GCFC2: variants seen among roughly 807,000 people sequenced by gnomAD.
GCFC2 encodes the protein intron Large complex component GCFC2.
In GCFC2, 102 loss-of-function variants were observed where a neutral mutation model predicts 99.4. The ratio of observed to expected loss-of-function variants is 1.03; its 90% CI spans 0.87 to 1.21. GCFC2 has a LOEUF of 1.21. Ranked by LOEUF, GCFC2 falls within the 50% of genes most tolerant of loss-of-function variation. GCFC2 has a pLI of 0.00. For synonymous variants in GCFC2, 338 were observed against 316.8 expected (o/e 1.07, Z -0.71); for missense variants, 973 against 920.9 (o/e 1.06, Z -0.73).
Position 75,709,215 on chromosome 2 carries a change from T to G in GCFC2, c.265+1376A>C, listed in dbSNP as rs561964783. Among the ~76,000 whole-genome samples, 1,040 of 152,302 alleles carry G rather than the reference T, an allele frequency of 6.8e-3. 8 individuals carry two copies. Among genetic ancestry groups the G allele is most frequent in the African/African-American group, 0.024 (993 of 41,574 alleles). ...CTACTGAAACAAAAGCTCTTTGGAA[T>G]CCTTAATCATTTCTAAGAGTCTAAA... On this transcript the variant is annotated intron_variant, in intron 1 of 16. Coordinates refer to ENST00000321027, the MANE Select transcript of GCFC2 (RefSeq NM_003203.5).
chr2:75,712,508 C>G (rs1055319739), upstream of GCFC2, among the ~76,000 whole-genome samples: 1 of 152,172 alleles, frequency 6.6e-6, no homozygotes, highest in African/African-American at 2.4e-5. Context: ...TACCAATCAG[C>G]AGGATGTGGG....
chr2:75,668,228 G>A (rs1453889547), intron 15 of GCFC2, among the ~76,000 whole-genome samples: 1 of 152,140 alleles, frequency 6.6e-6, no homozygotes, highest in African/African-American at 2.4e-5. Flanking sequence ...TTTAGAGAAA[G>A]CTTTACAGAC....
chr2:75,711,087 G>C, upstream of GCFC2: 2 of 1,299,604 alleles, frequency 1.5e-6, no homozygotes, highest in Non-Finnish European at 1.9e-6. Context: ...CCCTTTGCCA[G>C]GTTAGGTTGC....
At chr2:75,682,136 T>G (rs182635261) in intron 11 of GCFC2, among the ~76,000 whole-genome samples, 3 of 151,868 alleles carry the variant, frequency 2.0e-5, no homozygotes, top group Non-Finnish European at 4.4e-5. Flanking sequence ...CTGACCCCTG[T>G]GTATCCTGTC....
rs139322847 is a variant in GCFC2, at chr2:75,681,370, C to T, written c.1691-1056G>A. On this transcript the variant is annotated intron_variant, in intron 11 of 16. Transcript: ENST00000321027. ...TTATCTAAGGGATGCCACGAGAAAC[C>T]GTGCCAGGAGGAACAGTGCACTCCA... Among the ~76,000 whole-genome samples the T allele has an allele frequency of 3.8e-3, 570 of 149,506 alleles. 16 individuals are homozygous for T. Among genetic ancestry groups the T allele is most frequent in the African/African-American group, 0.014 (545 of 38,948 alleles).
rs139202432 is a variant in GCFC2, at chr2:75,680,272, G to A, written c.1733C>T (p.Thr578Ile). 1.9e-6 allele frequency: 3 copies of A among 1,606,870 alleles called. No individual in the cohort carries two copies. Among genetic ancestry groups the A allele is most frequent in the African/African-American group, 2.7e-5 (2 of 74,764 alleles). Residue 578 changes from threonine (T) to isoleucine (I), a missense_variant, in exon 12 of 17, where the codon ACA becomes ATA. Physicochemically the swap from Thr to Ile is moderately conservative, Grantham distance 89. Coordinates refer to ENST00000321027, the MANE Select transcript of GCFC2 (RefSeq NM_003203.5). ...TCTGCAATGTGTTATTAAACTTGTT[G>A]TCTGTGAGGTTGACAAAGGATCCCA... ...FLWDPLSTSQTTSLITHCRVI... is the reference protein window; with the variant it reads ...FLWDPLSTSQITSLITHCRVI...
intron 11 of GCFC2, among the ~76,000 whole-genome samples, chr2:75,684,541 C>T (rs930953193): frequency 1.1e-4 from 16 of 152,104 alleles, no homozygotes; most frequent in Admixed American, 2.6e-4. Flanking sequence ...GATCTAAAAT[C>T]GACATCCTAA....
chr2:75,667,290 T>C (rs769230801), intron 15 of GCFC2, among the ~76,000 whole-genome samples: 4 of 151,578 alleles, frequency 2.6e-5, no homozygotes, highest in Non-Finnish European at 4.4e-5. Context: ...ACCTGGCCTG[T>C]CACAATATCA....
intron 3 of GCFC2, chr2:75,701,940 C>A: frequency 8.1e-7 from 1 of 1,227,220 alleles, no homozygotes; most frequent in Non-Finnish European, 1.0e-6. Context: ...TAAGATACTG[C>A]ACATTTTTTT....
rs762380636 is a variant in GCFC2 at position 75,680,277 on chromosome 2, T to C, written c.1728A>G (p.Ser576=). ...AATGTGTTATTAAACTTGTTGTCTG[T>C]GAGGTTGACAAAGGATCCCAAAGGA... ...VEFLWDPLST[S]QTTSLITHCR... Residue 576 remains serine (S), a synonymous_variant, in exon 12 of 17, where the codon TCA becomes TCG. Coordinates refer to ENST00000321027, the MANE Select transcript of GCFC2 (RefSeq NM_003203.5). 4 of 1,608,414 alleles carry C rather than the reference T, an allele frequency of 2.5e-6. No individual in the cohort carries two copies. In the Admixed American group the frequency reaches 6.7e-5, roughly 27 times the overall value.
rs1045881536 is a variant in GCFC2 at position 75,701,029 on chromosome 2, A to G, written c.717+161T>C. ...GAATTACCGCTCCCCACAACCCCCC[A>G]GGGCCTTTGGAAGAAGCAAGGTGCT... On this transcript the variant is annotated intron_variant, in intron 4 of 16. Transcript: ENST00000321027. 7.2e-5 allele frequency among the ~76,000 whole-genome samples: 11 copies of G among 152,176 alleles called. 1 individual carries two copies. The highest frequency in any genetic ancestry group is 7.2e-4 in the Admixed American group (11 of 15,284).
At chr2:75,671,321 T>C (rs1679081604) in intron 14 of GCFC2, among the ~76,000 whole-genome samples, 1 of 152,206 alleles carries the variant, frequency 6.6e-6, no homozygotes, top group South Asian at 2.1e-4. Context: ...AAATATTACC[T>C]ACAGGTAGTG....
At position 75,663,099 on chromosome 2, in the gene GCFC2, T is replaced by C. The variant is rs1353482954; in HGVS notation, c.*1567A>G. On this transcript the variant is annotated 3_prime_UTR_variant, in exon 17 of 17. Coordinates refer to ENST00000321027, the MANE Select transcript of GCFC2 (RefSeq NM_003203.5). Reference sequence around the variant, plus strand: ...GATGAGATTCTATCCTTGTATAATTTTGTTACTAATATAAACATCAAAAAA... The same window carrying C: ...GATGAGATTCTATCCTTGTATAATTCTGTTACTAATATAAACATCAAAAAA... 1 of 152,166 alleles carries C rather than the reference T, an allele frequency of 6.6e-6. No homozygotes were observed. Among genetic ancestry groups the C allele is most frequent in the African/African-American group, 2.4e-5 (1 of 41,450 alleles). The allele number at this position is 152,166 out of a possible 1,614,324, so 9.4% of individuals were successfully genotyped here. A position where few individuals can be genotyped will look rare whatever the true frequency, so the allele number is the denominator to read the frequency against.
At position 75,690,671 on chromosome 2, in the gene GCFC2, G is replaced by T; in HGVS notation, c.1193C>A (p.Thr398Asn). 1.3e-6 allele frequency: 2 copies of T among 1,564,866 alleles called. No homozygotes were observed. Among genetic ancestry groups the T allele is most frequent in the Non-Finnish European group, 8.8e-7 (1 of 1,139,392 alleles). The change falls in exon 8 of 17, where the codon ACT (threonine) becomes AAT (asparagine). Residue 398 changes from threonine to asparagine, a missense_variant. Physicochemically the swap from Thr to Asn is moderately conservative, Grantham distance 65. Coordinates refer to ENST00000321027, the MANE Select transcript of GCFC2 (RefSeq NM_003203.5). ...TSGNFSVDEK[T>N]QWILEEIESR... ...TTCAATCTCTTCTAAAATCCACTGA[G>T]TTTTTTCATCTACTGAGAAGTTTCC...
chr2:75,673,955 T>C (rs549463195), intron 12 of GCFC2, among the ~76,000 whole-genome samples: 1 of 152,382 alleles, frequency 6.6e-6, no homozygotes, highest in South Asian at 2.1e-4. Context: ...CCCATTTACA[T>C]CATTCCTGCA....
intron 5 of GCFC2, among the ~76,000 whole-genome samples, chr2:75,695,983 G>T (rs1680300856): frequency 6.6e-6 from 1 of 152,094 alleles, no homozygotes; most frequent in Non-Finnish European, 1.5e-5. Context: ...TTTCACTACC[G>T]ATAACTGAAA....
At position 75,710,357 on chromosome 2, in the gene GCFC2, G is replaced by A. The variant is rs1334896337; in HGVS notation, c.265+234C>T. The stretch of plus-strand genomic sequence containing the variant: ...GGTGAAAACGAAGAGCCTCCCAACT[G>A]TACACGATTGTTTTATTTCCCCCAA... On this transcript the variant is annotated intron_variant, in intron 1 of 16. Coordinates refer to ENST00000321027, the MANE Select transcript of GCFC2 (RefSeq NM_003203.5). 1.5e-5 allele frequency: 15 copies of A among 973,324 alleles called. No homozygotes were observed. The South Asian group carries it at 2.1e-4, about 14-fold the overall frequency. The allele number at this position is 973,324 out of a possible 1,614,324, so 60.3% of individuals were successfully genotyped here.
chr2:75,692,172 A>T (rs1376041959), intron 6 of GCFC2, 72 bp from the exon 7 acceptor site: 30 of 260,838 alleles, frequency 1.2e-4, no homozygotes, highest in Non-Finnish European at 1.5e-4. Flanking sequence ...TATATATATA[A>T]AAGTAATATT....
chr2:75,698,407 G>C (rs1260564061), intron 4 of GCFC2, among the ~76,000 whole-genome samples: 5 of 152,238 alleles, frequency 3.3e-5, no homozygotes, highest in African/African-American at 1.2e-4. Flanking sequence ...AAAAAAATCA[G>C]ATTGCAAATA....
Sources: allele counts gnomAD v4.1 joint callset (sites outside exome capture counted in the v4.1 genomes callset), GRCh38; gene constraint gnomAD v4.1.1; transcripts MANE v1.5; gene names NCBI Gene and HGNC (gene_info 2026-07-23, HGNC 2026-07-21).